Variants in SRFBP1 observed in about 807,000 individuals in gnomAD.
SRFBP1 encodes serum response factor-binding protein 1.
A neutral mutation model predicts 45.5 loss-of-function variants in SRFBP1; 47 were observed. The ratio of observed to expected loss-of-function variants is 1.03; its 90% CI spans 0.82 to 1.32. SRFBP1 has a LOEUF of 1.32. Ranked by LOEUF, SRFBP1 falls within the 40% of genes most tolerant of loss-of-function variation. SRFBP1 has a pLI of 0.00. For synonymous variants in SRFBP1, 203 were observed against 166.3 expected, an observed-to-expected ratio of 1.22 and a Z score of -1.70; for missense variants, 621 against 484.6, an observed-to-expected ratio of 1.28 and a Z score of -2.64.
rs564308488 is a variant in SRFBP1 at position 121,987,374 on chromosome 5, A to T, written c.199-7225A>T. On this transcript the variant is annotated intron_variant, in intron 3 of 7. Coordinates refer to ENST00000339397, the MANE Select transcript of SRFBP1 (RefSeq NM_152546.3). Reference sequence around the variant, plus strand: ...GAAGATCTGATATTTTATTTGGAAAAAAAATCTATTGGCAATATGATGATA... The same window carrying T: ...GAAGATCTGATATTTTATTTGGAAATAAAATCTATTGGCAATATGATGATA... Among the ~76,000 whole-genome samples, 34 of 152,292 alleles carry T rather than the reference A, an allele frequency of 2.2e-4. No homozygotes were observed. In the East Asian group the frequency reaches 6.6e-3, roughly 29 times the overall value.
At chr5:122,022,637 T>G (rs1753385688) in intron 7 of SRFBP1, among the ~76,000 whole-genome samples, 2 of 152,248 alleles carry the variant, frequency 1.3e-5, no homozygotes, top group Non-Finnish European at 2.9e-5. Context: ...AAATATTATG[T>G]CTATTTAACT....
chr5:121,994,137 C>G (rs146990729), intron 3 of SRFBP1, among the ~76,000 whole-genome samples: 99 of 152,038 alleles, frequency 6.5e-4, no homozygotes, highest in African/African-American at 1.9e-3. Flanking sequence ...ATTTCTATTT[C>G]CTTTATTTCA....
rs538487488 is a variant in SRFBP1 at position 121,989,260 on chromosome 5, G to T, written c.199-5339G>T. 3.1e-3 allele frequency among the ~76,000 whole-genome samples: 479 copies of T among 152,086 alleles called. 1 individual carries two copies. Among genetic ancestry groups the T allele is most frequent in the Non-Finnish European group, 5.5e-3 (371 of 67,976 alleles). On this transcript the variant is annotated intron_variant, in intron 3 of 7. Coordinates refer to ENST00000339397, the MANE Select transcript of SRFBP1 (RefSeq NM_152546.3). ...TGTATTTCTTTTTAGTAGAGACGGGGTTTCACCATGTTGTCCAGGATGGTC... is the reference window on the plus strand; with the variant it reads ...TGTATTTCTTTTTAGTAGAGACGGGTTTTCACCATGTTGTCCAGGATGGTC...
chr5:122,053,345 G>C (rs573481385), intron 2 of SRFBP1, among the ~76,000 whole-genome samples: 1 of 152,258 alleles, frequency 6.6e-6, no homozygotes, highest in African/African-American at 2.4e-5. Flanking sequence ...TGCAGAAGTA[G>C]GACTTCAGAG....
chr5:122,000,052 C>T (rs1040762403), intron 4 of SRFBP1, among the ~76,000 whole-genome samples: 1 of 151,958 alleles, frequency 6.6e-6, no homozygotes, highest in Non-Finnish European at 1.5e-5. Flanking sequence ...AAATGAGCAT[C>T]TTATCTCTTC....
At chr5:122,045,871 G>A (rs1399632440) in intron 2 of SRFBP1, among the ~76,000 whole-genome samples, 21 of 152,112 alleles carry the variant, frequency 1.4e-4, no homozygotes, top group Admixed American at 1.4e-3. Flanking sequence ...TGATTGCACT[G>A]GCGATGACTT....
At chr5:122,014,951 A>G (rs1202282346) in intron 4 of SRFBP1, among the ~76,000 whole-genome samples, 2 of 152,212 alleles carry the variant, frequency 1.3e-5, no homozygotes, top group African/African-American at 4.8e-5. Flanking sequence ...GTTTGAATAC[A>G]TTTTAATCAA....
intron 2 of SRFBP1, among the ~76,000 whole-genome samples, chr5:122,048,350 T>C (rs1365408036): frequency 1.3e-5 from 2 of 152,224 alleles, no homozygotes; most frequent in African/African-American, 4.8e-5. Flanking sequence ...ATTCCGTTTA[T>C]TGATTTGTGT....
intron 6 of SRFBP1, among the ~76,000 whole-genome samples, chr5:122,021,686 T>C (rs2112709795): frequency 7.1e-6 from 1 of 139,936 alleles, no homozygotes; most frequent in African/African-American, 2.7e-5. Context: ...TTTTTTTTTT[T>C]TTTTTTTTGA....
chr5:121,972,417 C>T (rs1442001638), intron 1 of SRFBP1, among the ~76,000 whole-genome samples: 1 of 151,838 alleles, frequency 6.6e-6, no homozygotes, highest in African/African-American at 2.4e-5. Context: ...AAGCTTAAAA[C>T]AGGCATTGTA....
chr5:121,975,796 T>C (rs926071470), intron 3 of SRFBP1, among the ~76,000 whole-genome samples: 2 of 152,010 alleles, frequency 1.3e-5, no homozygotes, highest in Non-Finnish European at 2.9e-5. Flanking sequence ...CAATAAATTT[T>C]TATGTATTGG....
At chr5:122,020,926 T>G in intron 6 of SRFBP1, 124 bp downstream of exon 6, 3 of 865,812 alleles carry the variant, frequency 3.5e-6, no homozygotes, top group Non-Finnish European at 5.0e-6. Flanking sequence ...TTTTTAGACA[T>G]GGCCCTCTCC....
intron 4 of SRFBP1, among the ~76,000 whole-genome samples, chr5:122,012,722 T>G (rs1753120327): frequency 6.6e-6 from 1 of 152,132 alleles, no homozygotes; most frequent in African/African-American, 2.4e-5. Flanking sequence ...ATGCCTTGAT[T>G]AAATAATTTT....
intron 2 of SRFBP1, among the ~76,000 whole-genome samples, chr5:122,043,719 T>A (rs1372819303): frequency 6.6e-6 from 1 of 152,156 alleles, no homozygotes; most frequent in African/African-American, 2.4e-5. Context: ...GTCAGCAAAC[T>A]TTTTTTGTAA....
intron 2 of SRFBP1, among the ~76,000 whole-genome samples, chr5:122,066,999 GAA>G (rs748456366): frequency 6.6e-6 from 1 of 152,090 alleles, no homozygotes; most frequent in Non-Finnish European, 1.5e-5. Context: ...AACCACTTCT[GAA>G]ACACTCAAGA....
At chr5:121,998,948 C>G (rs1201309757) in intron 4 of SRFBP1, among the ~76,000 whole-genome samples, 1 of 152,098 alleles carries the variant, frequency 6.6e-6, no homozygotes, top group African/African-American at 2.4e-5. Context: ...CACTTGAGAA[C>G]AGATTTTGTA....
intron 1 of SRFBP1, among the ~76,000 whole-genome samples, chr5:121,969,291 T>C (rs1383750406): frequency 6.6e-6 from 1 of 152,166 alleles, no homozygotes; most frequent in African/African-American, 2.4e-5. Context: ...CTGCTTGGTA[T>C]GTAGAAATAC....
chr5:122,057,745 G>A (rs911364774), intron 2 of SRFBP1, among the ~76,000 whole-genome samples: 11 of 152,088 alleles, frequency 7.2e-5, no homozygotes, highest in Admixed American at 6.5e-4. Context: ...ATAGTAGATG[G>A]ATCAGACAGA....
At chr5:122,035,642 TC>T (rs1445143674) in intron 2 of SRFBP1, among the ~76,000 whole-genome samples, 1 of 152,216 alleles carries the variant, frequency 6.6e-6, no homozygotes, top group Non-Finnish European at 1.5e-5. Context: ...TAATGATCAT[TC>T]CAGCTTACTA....
Sources: allele counts gnomAD v4.1 joint callset (sites outside exome capture counted in the v4.1 genomes callset), GRCh38; gene constraint gnomAD v4.1.1; transcripts MANE v1.5; gene names NCBI Gene and HGNC (gene_info 2026-07-23, HGNC 2026-07-21).